The following HHIPL1 variants were observed in gnomAD, a reference collection of about 807,000 sequenced individuals.
The protein encoded by HHIPL1 is HHIP like 1, also known as HHIP-like protein 1.
In HHIPL1, 43 loss-of-function variants were observed where a neutral mutation model predicts 61.8. The observed-to-expected ratio is 0.70, with a 90% CI of 0.55 to 0.90. The LOEUF (loss-of-function observed/expected upper bound fraction) is 0.90, where lower values mean the gene tolerates loss of function less well. Ranked by LOEUF, HHIPL1 falls within the 40% of genes least tolerant of loss-of-function variation. The pLI is 0.00. For synonymous variants in HHIPL1, 482 were observed against 515.8 expected (o/e 0.93, Z 0.89); for missense variants, 1,056 against 1,157.7 (o/e 0.91, Z 1.28).
chr14:99,659,471 A>G lies in HHIPL1; in HGVS notation c.1090A>G (p.Lys364Glu). The G allele has an allele frequency of 1.3e-6, 2 of 1,528,712 alleles. No homozygotes were observed. The highest frequency in any genetic ancestry group is 8.7e-7 in the Non-Finnish European group (1 of 1,143,132). 94.7% of individuals were successfully genotyped at this position (1,528,712 alleles called of 1,614,324 possible). ...GKVLRIDVDR[K>E]ERGLPYGIPP... ...GGTGCTGCGCATCGACGTGGACCGT[A>G]AGGAGCGCGGCCTGCCCTACGGCAT... The change falls in exon 4 of 9, where the codon AAG becomes GAG. Residue 364 changes from lysine to glutamate, a missense_variant. Physicochemically the swap from Lys to Glu is moderately conservative, Grantham distance 56. Coordinates refer to ENST00000330710, the MANE Select transcript of HHIPL1 (RefSeq NM_001127258.3).
chr14:99,625,064 GC>G, the HHIPL1 span: 6 of 152,268 alleles, frequency 3.9e-5, no homozygotes, highest in Non-Finnish European at 7.3e-5. Flanking sequence ...GGCAAGGGGT[GC>G]AGCCGCAGGA....
At position 99,659,533 on chromosome 14, in the gene HHIPL1, GCAGCC is replaced by G. The variant is rs1186518150; in HGVS notation, c.1154_1158del (p.Gln385ArgfsTer74). On this transcript the variant is annotated frameshift_variant, in exon 4 of 9. Coordinates refer to ENST00000330710, the MANE Select transcript of HHIPL1 (RefSeq NM_001127258.3). LOFTEE classifies it high-confidence loss of function. ...ACCCGTTCGTGGGCGACCCCGCGGCGCAGCCCGAGGTCTACGCCCTGGGCGTGCGC... is the reference window on the plus strand; with the variant it reads ...ACCCGTTCGTGGGCGACCCCGCGGCGCGAGGTCTACGCCCTGGGCGTGCGC... The G allele has an allele frequency of 6.5e-7, 1 of 1,543,196 alleles. No homozygotes were observed. The highest frequency in any genetic ancestry group is 1.2e-5 in the South Asian group (1 of 83,646).
At chr14:99,605,389 G>GGGC in the HHIPL1 span, among the ~76,000 whole-genome samples, 1 of 150,214 alleles carries the variant, frequency 6.7e-6, no homozygotes, top group Non-Finnish European at 1.5e-5. Flanking sequence ...GGGCGGGGCG[G>GGGC]GGGGGGGTCC....
At chr14:99,608,623 T>G in the HHIPL1 span, among the ~76,000 whole-genome samples, 1 of 152,128 alleles carries the variant, frequency 6.6e-6, no homozygotes, top group African/African-American at 2.4e-5. Context: ...GACTATGAGG[T>G]ATCATCCTGA....
intron 3 of HHIPL1, among the ~76,000 whole-genome samples, chr14:99,657,524 G>A (rs1054446787): frequency 3.3e-5 from 5 of 152,194 alleles, no homozygotes; most frequent in African/African-American, 1.2e-4. Flanking sequence ...ATGCTTCCCA[G>A]GCCGAATGGA....
chr14:99,614,456 G>A, the HHIPL1 span, among the ~76,000 whole-genome samples: 6 of 152,158 alleles, frequency 3.9e-5, no homozygotes, highest in African/African-American at 1.4e-4. Flanking sequence ...CAGGCTCTCG[G>A]AGCAAGGGCA....
At chr14:99,657,491 C>G (rs1232153204) in intron 3 of HHIPL1, among the ~76,000 whole-genome samples, 1 of 152,188 alleles carries the variant, frequency 6.6e-6, no homozygotes, top group Non-Finnish European at 1.5e-5. Context: ...CCCTGCCAGA[C>G]CCCTGCTGGA....
chr14:99,634,081 A>T, the HHIPL1 span, among the ~76,000 whole-genome samples: 7 of 152,200 alleles, frequency 4.6e-5, no homozygotes, highest in Admixed American at 1.3e-4. Context: ...GTTTCTGCAG[A>T]GGCGCGAGCA....
the HHIPL1 span, among the ~76,000 whole-genome samples, chr14:99,634,045 T>C: frequency 1.8e-3 from 278 of 151,860 alleles, 2 homozygotes; most frequent in African/African-American, 6.4e-3. Context: ...CCAGACTCGG[T>C]GGTGAGGAAA....
intron 6 of HHIPL1, among the ~76,000 whole-genome samples, chr14:99,663,233 C>T (rs561359409): frequency 3.1e-4 from 47 of 152,170 alleles, no homozygotes; most frequent in African/African-American, 9.6e-4. Flanking sequence ...TTGGATCTCA[C>T]GTAAGAAAGA....
At chr14:99,626,614 T>C in the HHIPL1 span, among the ~76,000 whole-genome samples, 2 of 152,232 alleles carry the variant, frequency 1.3e-5, no homozygotes, top group African/African-American at 2.4e-5. Flanking sequence ...AAGGGATGGC[T>C]CTGTAGACAC....
In HHIPL1 at chr14:99,675,046, A is replaced by C. The variant is rs2056370377; in HGVS notation, c.1814-45A>C. ...CACAGGGTGGGCAGCAGGGCTGGAC[A>C]GGGGCGCCTGGGTCCCTCTGACGGC... On this transcript the variant is annotated intron_variant, in intron 8 of 8. Coordinates refer to ENST00000330710, the MANE Select transcript of HHIPL1 (RefSeq NM_001127258.3). This position sits in a 1 kb window ranked among gnomAD's most constrained non-coding sequence, Gnocchi z 5.4. 2 of 1,066,734 alleles carry C rather than the reference A, an allele frequency of 1.9e-6. No homozygotes were observed. The highest frequency in any genetic ancestry group is 7.0e-5 in the South Asian group (2 of 28,732). 66.1% of individuals were successfully genotyped at this position (1,066,734 alleles called of 1,614,324 possible). A position where few individuals can be genotyped will look rare whatever the true frequency, so the allele number is the denominator to read the frequency against.
At chr14:99,673,823 C>A (rs1314800535) in intron 8 of HHIPL1, among the ~76,000 whole-genome samples, 1 of 48,174 alleles carries the variant, frequency 2.1e-5, no homozygotes, top group Non-Finnish European at 3.7e-5. Context: ...CTGAGGGGGG[C>A]GGCATGGAGG....
At chr14:99,656,781 GAAAAGA>G (rs1317013628) in intron 2 of HHIPL1, among the ~76,000 whole-genome samples, 46 of 1,450 alleles carry the variant, frequency 0.032, 3 homozygotes, top group Non-Finnish European at 0.054. Context: ...TCTGCAAAAA[GAAAAGA>G]AAAGAAAGAA....
the HHIPL1 span, among the ~76,000 whole-genome samples, chr14:99,632,593 G>A: frequency 6.6e-6 from 1 of 152,256 alleles, no homozygotes; most frequent in Non-Finnish European, 1.5e-5. Flanking sequence ...TTTTCTGAGT[G>A]TTAGATCTCT....
chr14:99,630,409 T>C, the HHIPL1 span, among the ~76,000 whole-genome samples: 7 of 152,238 alleles, frequency 4.6e-5, no homozygotes, highest in African/African-American at 1.7e-4. Flanking sequence ...GGTGTGGTAC[T>C]CACACCCTTA....
the HHIPL1 span, among the ~76,000 whole-genome samples, chr14:99,626,334 G>A: frequency 6.6e-6 from 1 of 152,086 alleles, no homozygotes; most frequent in Non-Finnish European, 1.5e-5. Context: ...CAGGGAGCCT[G>A]CAAAACATGT....
At chr14:99,622,670 T>C in the HHIPL1 span, among the ~76,000 whole-genome samples, 1 of 152,270 alleles carries the variant, frequency 6.6e-6, no homozygotes, top group African/African-American at 2.4e-5. Context: ...CTTGGCCACC[T>C]TTCCACCAGG....
the HHIPL1 span, among the ~76,000 whole-genome samples, chr14:99,622,256 G>T: frequency 1.8e-4 from 28 of 152,122 alleles, no homozygotes; most frequent in African/African-American, 4.8e-4. Context: ...ATCCAGACTC[G>T]ATTGAAACAG....
Sources: gnomAD v4.1 joint callset for allele counts (sites outside exome capture counted in the v4.1 genomes callset) on GRCh38, gnomAD v4.1.1 for gene constraint, Gnocchi (gnomAD v3.1) non-coding constraint, MANE v1.5 for transcripts, NCBI Gene and HGNC (gene_info 2026-07-23, HGNC 2026-07-21) for gene names.